CSMD3: variants seen among roughly 807,000 people sequenced by gnomAD.
CSMD3 encodes the protein CUB and sushi domain-containing protein 3.
In CSMD3, 177 loss-of-function variants were observed where a neutral mutation model predicts 435.2. That is an observed-to-expected ratio of 0.41 (90% CI 0.36 to 0.46). CSMD3 has a LOEUF of 0.46. CSMD3 is among the 20% of genes least tolerant of loss of function. The pLI, the probability that CSMD3 is intolerant of heterozygous loss-of-function variation, is 0.34. For synonymous variants in CSMD3, 1,656 were observed against 1,520.5 expected (o/e 1.09, Z -2.07); for missense variants, 4,265 against 4,504.6 (o/e 0.95, Z 1.52).
intron 10 of CSMD3, among the ~76,000 whole-genome samples, chr8:112,887,025 C>T (rs1459008): frequency 0.61 from 92,032 of 151,118 alleles, 29,664 homozygotes; most frequent in East Asian, 0.84. Context: ...CTTGGCTCTA[C>T]TTTCAAGTTG....
intron 27 of CSMD3, among the ~76,000 whole-genome samples, chr8:112,547,850 T>A (rs1332566039): frequency 6.6e-6 from 1 of 152,066 alleles, no homozygotes; most frequent in Non-Finnish European, 1.5e-5. Flanking sequence ...AGTTTGAGAA[T>A]TAATTAGTGA....
chr8:112,617,654 A>G (rs1337428767), intron 22 of CSMD3, among the ~76,000 whole-genome samples: 1 of 152,276 alleles, frequency 6.6e-6, no homozygotes, highest in Middle Eastern at 3.4e-3. Flanking sequence ...CATACAGGTT[A>G]ACTATCTTTT....
At chr8:112,900,237 C>G (rs921460125) in intron 10 of CSMD3, among the ~76,000 whole-genome samples, 3 of 151,302 alleles carry the variant, frequency 2.0e-5, no homozygotes, top group Non-Finnish European at 3.0e-5. Flanking sequence ...CTCCATTGGT[C>G]TCTTGTGTGT....
chr8:112,811,361 GCTTT>G (rs1210622301), intron 12 of CSMD3, among the ~76,000 whole-genome samples: 1 of 151,754 alleles, frequency 6.6e-6, no homozygotes, highest in Non-Finnish European at 1.5e-5. Flanking sequence ...AGTTGTAGAT[GCTTT>G]CTTTTTCTTT....
intron 59 of CSMD3, among the ~76,000 whole-genome samples, chr8:112,273,227 G>A (rs529479839): frequency 2.4e-4 from 36 of 151,914 alleles, no homozygotes; most frequent in African/African-American, 8.5e-4. Flanking sequence ...GAAGACAGCT[G>A]TAAATAAAAG....
chr8:112,730,837 G>A (rs1006054511), intron 13 of CSMD3, among the ~76,000 whole-genome samples: 6 of 152,162 alleles, frequency 3.9e-5, no homozygotes, highest in Admixed American at 3.9e-4. Flanking sequence ...TAAACGAAGT[G>A]GGTGTACTAT....
intron 6 of CSMD3, among the ~76,000 whole-genome samples, chr8:113,002,990 A>T (rs2085921722): frequency 6.6e-6 from 1 of 152,162 alleles, no homozygotes; most frequent in Non-Finnish European, 1.5e-5. Flanking sequence ...CTGTAATCCC[A>T]GCACTTTGGG....
At chr8:112,435,129 T>C (rs953917709) in intron 32 of CSMD3, among the ~76,000 whole-genome samples, 25 of 152,118 alleles carry the variant, frequency 1.6e-4, no homozygotes, top group African/African-American at 6.0e-4. Flanking sequence ...TTTGGGACAA[T>C]GTTTTTGAAA....
chr8:113,214,427 T>C (rs1307343704), intron 3 of CSMD3, among the ~76,000 whole-genome samples: 1 of 151,964 alleles, frequency 6.6e-6, no homozygotes, highest in Non-Finnish European at 1.5e-5. Context: ...TATTTGAGTA[T>C]GATACTGGCA....
intron 4 of CSMD3, among the ~76,000 whole-genome samples, chr8:113,115,655 TGGTAC>T (rs2090801058): frequency 6.6e-6 from 1 of 152,218 alleles, no homozygotes; most frequent in Non-Finnish European, 1.5e-5. Flanking sequence ...TGTTTGACAG[TGGTAC>T]GTGTCACTAA....
chr8:113,327,939 G>A (rs930657362), intron 1 of CSMD3, among the ~76,000 whole-genome samples: 10 of 152,146 alleles, frequency 6.6e-5, no homozygotes, highest in African/African-American at 2.2e-4. Context: ...TGCATGTACA[G>A]GCCTGTGTGA....
At chr8:112,271,255 AT>A (rs1817506030) in intron 59 of CSMD3, among the ~76,000 whole-genome samples, 1 of 152,208 alleles carries the variant, frequency 6.6e-6, no homozygotes. Context: ...GGAAATTGTA[AT>A]GTTAAACTGG....
chr8:112,726,452 A>C (rs2076966352), intron 13 of CSMD3, among the ~76,000 whole-genome samples: 1 of 151,928 alleles, frequency 6.6e-6, no homozygotes, highest in Non-Finnish European at 1.5e-5. Flanking sequence ...TAGTAAAGAT[A>C]ATTTTATGAA....
At chr8:112,336,568 C>T in intron 44 of CSMD3, 84 bp downstream of exon 44, 5 of 1,050,616 alleles carry the variant, frequency 4.8e-6, no homozygotes, top group Non-Finnish European at 7.4e-6. Flanking sequence ...CAATTTGTAA[C>T]AGAGGATTGT....
chr8:113,429,658 G>C (rs1222183437), intron 1 of CSMD3, among the ~76,000 whole-genome samples: 1 of 151,932 alleles, frequency 6.6e-6, no homozygotes, highest in Non-Finnish European at 1.5e-5. Context: ...AATACTAATT[G>C]ATATATAGTA....
At chr8:112,886,618 T>C (rs956604458) in intron 10 of CSMD3, among the ~76,000 whole-genome samples, 1 of 151,354 alleles carries the variant, frequency 6.6e-6, no homozygotes, top group Non-Finnish European at 1.5e-5. Context: ...TTGCCTATTT[T>C]ATAGTATTTA....
intron 1 of CSMD3, among the ~76,000 whole-genome samples, chr8:113,338,029 A>C (rs2094090104): frequency 6.6e-6 from 1 of 151,998 alleles, no homozygotes; most frequent in Non-Finnish European, 1.5e-5. Flanking sequence ...GTATTAGCAA[A>C]TTATACATCT....
intron 27 of CSMD3, among the ~76,000 whole-genome samples, chr8:112,527,969 T>C (rs116556377): frequency 0.012 from 1,811 of 152,266 alleles, 39 homozygotes; most frequent in African/African-American, 0.041. Flanking sequence ...GAATTTAGAA[T>C]ACAAAGTGAT....
chr8:112,969,135 A>T (rs1027596376), intron 7 of CSMD3, among the ~76,000 whole-genome samples: 1 of 151,990 alleles, frequency 6.6e-6, no homozygotes, highest in Non-Finnish European at 1.5e-5. Context: ...CAAATTTGTG[A>T]CATAGTAATC....
Sources: gnomAD v4.1 joint callset for allele counts (sites outside exome capture counted in the v4.1 genomes callset) on GRCh38, gnomAD v4.1.1 for gene constraint, MANE v1.5 for transcripts, NCBI Gene and HGNC (gene_info 2026-07-23, HGNC 2026-07-21) for gene names.